TENM1: variants seen among roughly 807,000 people sequenced by gnomAD.
TENM1 encodes teneurin transmembrane protein 1.
In TENM1, 35 loss-of-function variants were observed where a neutral mutation model predicts 174.8. The observed-to-expected ratio is 0.20, with a 90% CI of 0.15 to 0.27. The LOEUF is 0.27. TENM1 is among the 10% of genes least tolerant of loss of function. TENM1 has a pLI of 1.00. For missense variants in TENM1, 1,633 were observed against 2,130.1 expected (o/e 0.77, Z 4.59); for synonymous variants, 781 against 798.7 (o/e 0.98, Z 0.37).
At chrX:125,158,039 G>A in the TENM1 span, among the ~76,000 whole-genome samples, 4 of 111,030 alleles carry the variant, frequency 3.6e-5, no homozygotes, top group Non-Finnish European at 7.5e-5. Flanking sequence ...CAAATTTATG[G>A]CGGAGAAGGA....
intron 22 of TENM1, among the ~76,000 whole-genome samples, chrX:124,460,759 T>C (rs1312439991): frequency 2.0e-5 from 2 of 102,128 alleles, no homozygotes; most frequent in Non-Finnish European, 2.0e-5. Context: ...AAAAAGAAAA[T>C]GCTAGTTTAA....
chrX:124,681,458 C>T (rs1445711564), intron 5 of TENM1, among the ~76,000 whole-genome samples: 3 of 111,669 alleles, frequency 2.7e-5, no homozygotes, highest in Admixed American at 9.5e-5. Context: ...ATTCATGATC[C>T]GGATCCTCAA....
chrX:124,793,082 T>C (rs1173640110), intron 3 of TENM1, among the ~76,000 whole-genome samples: 1 of 111,900 alleles, frequency 8.9e-6, no homozygotes, highest in Non-Finnish European at 1.9e-5. Flanking sequence ...ACCACAATAG[T>C]ATTAGATGCA....
chrX:124,986,660 G>A, the TENM1 span, among the ~76,000 whole-genome samples: 1 of 111,263 alleles, frequency 9.0e-6, no homozygotes, highest in African/African-American at 3.3e-5. Flanking sequence ...TTGTTTGTTT[G>A]AGATGGAGTC....
rs1603012732 is a variant in TENM1 at position 124,692,087 on chromosome X, T to C, written c.1015+12926A>G. On this transcript the variant is annotated intron_variant, in intron 5 of 31. Coordinates refer to ENST00000422452, the Ensembl canonical transcript of TENM1. ...TAACTTATGAAACTCACTGAGTTGT[T>C]ACCTAATATTTGCTCAAATTTTGTG... 3.6e-5 allele frequency among the ~76,000 whole-genome samples: 4 copies of C among 112,232 alleles called. No individual in the cohort carries two copies. In the East Asian group the frequency reaches 1.1e-3, roughly 31 times the overall value.
At chrX:125,023,822 C>T in the TENM1 span, among the ~76,000 whole-genome samples, 78 of 111,007 alleles carry the variant, frequency 7.0e-4, no homozygotes, top group Admixed American at 6.7e-4. Flanking sequence ...AAAATATTTG[C>T]GAACAATGCA....
At chrX:124,392,383 C>T (rs1245936960) in intron 27 of TENM1, 35 bp from the exon 31 acceptor site, 8 of 1,036,623 alleles carry the variant, frequency 7.7e-6, no homozygotes, top group Non-Finnish European at 1.1e-5. Flanking sequence ...ATTTTAAGCA[C>T]AGCCTTGTTC....
the TENM1 span, among the ~76,000 whole-genome samples, chrX:125,047,259 T>C: frequency 1.8e-5 from 2 of 111,670 alleles, no homozygotes. Flanking sequence ...ACATAAGTGT[T>C]TGAAGCTTAT....
intron 11 of TENM1, among the ~76,000 whole-genome samples, chrX:124,639,769 A>C (rs2050966398): frequency 9.0e-6 from 1 of 111,690 alleles, no homozygotes; most frequent in South Asian, 3.7e-4. Context: ...TAATAACATT[A>C]ATATTATCAT....
intron 3 of TENM1, among the ~76,000 whole-genome samples, chrX:124,866,903 G>T: frequency 9.0e-6 from 1 of 110,692 alleles, no homozygotes; most frequent in Non-Finnish European, 1.9e-5. Context: ...TAGAAGAAAT[G>T]GACAAATTCC....
chrX:125,042,985 G>C, the TENM1 span, among the ~76,000 whole-genome samples: 1 of 111,234 alleles, frequency 9.0e-6, no homozygotes, highest in African/African-American at 3.3e-5. Flanking sequence ...AGAAAGTTTA[G>C]GAACAGGCTA....
In TENM1 at chrX:124,729,139, C is replaced by T. The variant is rs143195373; in HGVS notation, c.776+7818G>A. Among the ~76,000 whole-genome samples, 364 of 112,085 alleles carry T rather than the reference C, an allele frequency of 3.2e-3. 2 individuals carry two copies. Among genetic ancestry groups the T allele is most frequent in the African/African-American group, 0.011 (349 of 30,838 alleles). On this transcript the variant is annotated intron_variant, in intron 4 of 31. Coordinates refer to ENST00000422452, the Ensembl canonical transcript of TENM1. ...AATGCCTCGCTGTGCAGGACACGCA[C>T]AATAATCCATAGACTGGGAAGTATA...
At chrX:125,162,835 C>T in the TENM1 span, among the ~76,000 whole-genome samples, 13 of 111,260 alleles carry the variant, frequency 1.2e-4, no homozygotes, top group Non-Finnish European at 2.3e-4. Flanking sequence ...AACAGTTGCC[C>T]CCTTGAACAC....
chrX:124,830,211 C>T (rs1294843662), intron 3 of TENM1, among the ~76,000 whole-genome samples: 1 of 112,054 alleles, frequency 8.9e-6, no homozygotes, highest in Admixed American at 9.5e-5. Context: ...TGACACATGT[C>T]CTCTGCCTGG....
the TENM1 span, among the ~76,000 whole-genome samples, chrX:125,199,649 C>T: frequency 9.0e-6 from 1 of 111,129 alleles, no homozygotes; most frequent in South Asian, 3.8e-4. Flanking sequence ...GTAAATTATC[C>T]AAGATTATAC....
chrX:124,420,935 C>T (rs1603260455), intron 24 of TENM1, 114 bp from the exon 28 acceptor site: 6 of 701,530 alleles, frequency 8.6e-6, no homozygotes, highest in Non-Finnish European at 1.3e-5. Flanking sequence ...AATCAGTGAA[C>T]CAACATTCTC....
the TENM1 span, among the ~76,000 whole-genome samples, chrX:125,191,332 G>A: frequency 8.9e-6 from 1 of 111,802 alleles, no homozygotes; most frequent in Non-Finnish European, 1.9e-5. Context: ...TGTGCTAGGT[G>A]ATATGGATAT....
intron 11 of TENM1, among the ~76,000 whole-genome samples, chrX:124,584,523 C>T (rs1284546503): frequency 3.6e-5 from 4 of 111,167 alleles, no homozygotes; most frequent in Admixed American, 9.6e-5. Context: ...CCTAAAAGAG[C>T]TCCTGAAGGA....
intron 1 of TENM1, among the ~76,000 whole-genome samples, chrX:124,920,360 CT>C (rs751182094): frequency 9.0e-6 from 1 of 111,092 alleles, no homozygotes; most frequent in African/African-American, 3.3e-5. Context: ...ATCTACTTAA[CT>C]TTTTTTCATA....
Sources: allele counts gnomAD v4.1 joint callset (sites outside exome capture counted in the v4.1 genomes callset), GRCh38; gene constraint gnomAD v4.1.1; transcripts MANE v1.5; gene names NCBI Gene and HGNC (gene_info 2026-07-23, HGNC 2026-07-21).